Variants in ROBO2 observed in about 807,000 individuals in gnomAD.
ROBO2 encodes the protein roundabout guidance receptor 2, also known as roundabout homolog 2.
ROBO2 carries 53 observed loss-of-function variants against 160.8 expected under a neutral mutation model. That is an observed-to-expected ratio of 0.33 (90% confidence interval 0.26 to 0.41). The LOEUF (loss-of-function observed/expected upper bound fraction) is 0.41. Ranked by LOEUF, ROBO2 falls within the 10% of genes least tolerant of loss-of-function variation. The probability of loss-of-function intolerance (pLI) is 1.00; values close to 1 mark genes in which losing one functional copy is unlikely to be tolerated. For synonymous variants in ROBO2, 664 were observed against 611.7 expected (o/e 1.09, Z -1.26); for missense variants, 1,577 against 1,722.4 (o/e 0.92, Z 1.49).
At chr3:76,744,734 A>G (rs2093857221) in intron 2 of ROBO2, among the ~76,000 whole-genome samples, 1 of 151,292 alleles carries the variant, frequency 6.6e-6, no homozygotes, top group Admixed American at 6.6e-5. Flanking sequence ...GAGGATCTTG[A>G]GTTTTAACAT....
chr3:76,121,341 G>A (rs566708519), intron 2 of ROBO2, among the ~76,000 whole-genome samples: 104 of 152,196 alleles, frequency 6.8e-4, no homozygotes, highest in African/African-American at 2.3e-3. Context: ...TAAGGAGGGG[G>A]GAGGAAAATA....
intron 4 of ROBO2, among the ~76,000 whole-genome samples, chr3:77,489,031 T>C (rs2085733196): frequency 6.6e-6 from 1 of 152,152 alleles, no homozygotes; most frequent in South Asian, 2.1e-4. Context: ...AGAAAACAAT[T>C]GGAATAATGA....
Position 76,066,696 on chromosome 3 carries a change from CAAAG to C in ROBO2, c.109+129098_109+129101del, listed in dbSNP as rs1311088373. ...TAAGGAATGCAATCAGTTAGACTGA[CAAAG>C]AAATGAAATTAGAAATTAGGTTTTC... On this transcript the variant is annotated intron_variant, in intron 2 of 26. Coordinates refer to the ROBO2 transcript ENST00000487694. Among the ~76,000 whole-genome samples, 5 of 151,922 alleles carry C rather than the reference CAAAG, an allele frequency of 3.3e-5. No homozygotes were observed. In the South Asian group the frequency reaches 6.2e-4, roughly 19 times the overall value.
chr3:76,975,082 CA>C (rs2059750080), intron 2 of ROBO2, among the ~76,000 whole-genome samples: 1 of 152,058 alleles, frequency 6.6e-6, no homozygotes, highest in Admixed American at 6.6e-5. Context: ...GTGTGAAAAA[CA>C]GTAATATTTA....
intron 2 of ROBO2, among the ~76,000 whole-genome samples, chr3:77,350,555 A>G (rs2153457959): frequency 6.6e-6 from 1 of 152,216 alleles, no homozygotes; most frequent in Non-Finnish European, 1.5e-5. Flanking sequence ...GCAGGCTCTG[A>G]AGGAGGCTCC....
chr3:77,156,616 CA>C lies in ROBO2; in HGVS notation c.388+58277del, dbSNP rs556780877. ...TTGTGTATGTGAAATAAATTCTTAA[CA>C]TTTTTAAGCTCCTGTAATATTGCAG... On this transcript the variant is annotated intron_variant, in intron 2 of 25. Transcript: ENST00000461745. Among the ~76,000 whole-genome samples the C allele has an allele frequency of 2.7e-4, 41 of 151,928 alleles. No homozygotes were observed. The South Asian group carries it at 3.5e-3, about 13-fold the overall frequency.
chr3:76,188,136 T>C (rs1701846832), intron 2 of ROBO2, among the ~76,000 whole-genome samples: 1 of 152,076 alleles, frequency 6.6e-6, no homozygotes, highest in Non-Finnish European at 1.5e-5. Flanking sequence ...TTTTTAGTTG[T>C]CACATTCTCA....
intron 1 of ROBO2, among the ~76,000 whole-genome samples, chr3:77,097,327 A>G (rs1164132986): frequency 1.3e-5 from 2 of 151,986 alleles, no homozygotes; most frequent in Non-Finnish European, 2.9e-5. Context: ...ATCTCTTATT[A>G]TGCTTAATTT....
intron 2 of ROBO2, among the ~76,000 whole-genome samples, chr3:76,889,157 A>G (rs141702163): frequency 1.7e-3 from 258 of 152,290 alleles, no homozygotes; most frequent in African/African-American, 6.0e-3. Flanking sequence ...CATATTTACA[A>G]TGATAGAGAG....
At chr3:76,956,427 GA>G (rs2079265014) in intron 2 of ROBO2, among the ~76,000 whole-genome samples, 1 of 151,740 alleles carries the variant, frequency 6.6e-6, no homozygotes, top group South Asian at 2.1e-4. Context: ...TGTGGTGGCG[GA>G]CACCTGTAGT....
At chr3:77,176,366 G>A (rs918170687) in intron 2 of ROBO2, among the ~76,000 whole-genome samples, 1 of 151,940 alleles carries the variant, frequency 6.6e-6, no homozygotes, top group Non-Finnish European at 1.5e-5. Context: ...CCCTTTCGGT[G>A]CATTCAGGGT....
intron 6 of ROBO2, among the ~76,000 whole-genome samples, chr3:77,538,477 A>G (rs1334333387): frequency 1.9e-4 from 29 of 152,066 alleles, no homozygotes; most frequent in Admixed American, 1.8e-3. Flanking sequence ...ACGCCTGGCC[A>G]ATCATTTACA....
chr3:76,648,576 A>T (rs2091096689), intron 2 of ROBO2, among the ~76,000 whole-genome samples: 2 of 152,064 alleles, frequency 1.3e-5, no homozygotes, highest in African/African-American at 2.4e-5. Flanking sequence ...TTGTGATTAT[A>T]TAGGAAAATG....
intron 2 of ROBO2, among the ~76,000 whole-genome samples, chr3:76,291,742 A>G (rs573296408): frequency 1.3e-5 from 2 of 152,220 alleles, no homozygotes; most frequent in Admixed American, 6.5e-5. Context: ...AGTTATAAAG[A>G]ATTTCTTGAT....
chr3:77,601,893 G>A (rs532771167), intron 19 of ROBO2, among the ~76,000 whole-genome samples: 1 of 152,254 alleles, frequency 6.6e-6, no homozygotes, highest in Admixed American at 6.5e-5. Context: ...CACTTTCATT[G>A]GCTCTAAAAC....
intron 2 of ROBO2, among the ~76,000 whole-genome samples, chr3:77,016,241 C>G (rs557523696): frequency 6.2e-4 from 94 of 152,272 alleles, no homozygotes; most frequent in African/African-American, 2.2e-3. Context: ...TCCCAAAGTG[C>G]TGGGATTACA....
chr3:76,086,374 G>T (rs562427592), intron 2 of ROBO2, among the ~76,000 whole-genome samples: 1 of 152,076 alleles, frequency 6.6e-6, no homozygotes, highest in East Asian at 1.9e-4. Flanking sequence ...GACACATGGG[G>T]ACTATGGGAA....
intron 2 of ROBO2, among the ~76,000 whole-genome samples, chr3:76,779,775 A>C (rs542967025): frequency 6.6e-6 from 1 of 151,112 alleles, no homozygotes; most frequent in East Asian, 2.0e-4. Context: ...TGTATTTACA[A>C]CATTTTCTTT....
chr3:76,578,909 C>T (rs914496841), intron 2 of ROBO2, among the ~76,000 whole-genome samples: 1 of 152,148 alleles, frequency 6.6e-6, no homozygotes, highest in African/African-American at 2.4e-5. Context: ...ACTAAATGGC[C>T]ACTTCATACA....
Sources: allele counts gnomAD v4.1 joint callset (sites outside exome capture counted in the v4.1 genomes callset), GRCh38; gene constraint gnomAD v4.1.1; transcripts MANE v1.5; gene names NCBI Gene and HGNC (gene_info 2026-07-23, HGNC 2026-07-21).